The following TMEM154 variants were observed in gnomAD, a reference collection of about 807,000 sequenced individuals.
TMEM154 encodes the protein transmembrane protein 154.
TMEM154 carries 27 observed loss-of-function variants against 24.5 expected under a neutral mutation model. That is an observed-to-expected ratio of 1.10 (90% CI 0.81 to 1.52). The LOEUF (loss-of-function observed/expected upper bound fraction) is 1.52. Ranked by LOEUF, TMEM154 falls within the 40% of genes most tolerant of loss-of-function variation. The pLI is 0.00. For synonymous variants in TMEM154, 67 were observed against 76.8 expected (o/e 0.87, Z 0.67); for missense variants, 228 against 213.4 (o/e 1.07, Z -0.43).
At chr4:152,669,713 T>G (rs1425081024) in intron 1 of TMEM154, 1 of 152,212 alleles carries the variant, frequency 6.6e-6, no homozygotes, top group Non-Finnish European at 1.5e-5. Context: ...TCAGCAAACC[T>G]TGGCAACCAT....
chr4:152,639,114 C>A (rs1752204082), intron 6 of TMEM154, among the ~76,000 whole-genome samples: 1 of 152,124 alleles, frequency 6.6e-6, no homozygotes, highest in Non-Finnish European at 1.5e-5. Flanking sequence ...CAACGCCTGG[C>A]TAATTTTTGT....
intron 6 of TMEM154, among the ~76,000 whole-genome samples, chr4:152,635,167 G>T (rs964605015): frequency 6.6e-6 from 1 of 152,162 alleles, no homozygotes; most frequent in Non-Finnish European, 1.5e-5. Context: ...TGCAATTAAT[G>T]GTTAAGTGTT....
At chr4:152,629,514 T>C (rs1313341816) in intron 6 of TMEM154, among the ~76,000 whole-genome samples, 1 of 152,204 alleles carries the variant, frequency 6.6e-6, no homozygotes, top group East Asian at 1.9e-4. Flanking sequence ...TTTTTCCTGG[T>C]GGGCCCACAG....
In TMEM154 at chr4:152,621,422, C is replaced by T. The variant is rs1320277357; in HGVS notation, c.*7124G>A. The T allele has an allele frequency of 6.6e-6, 1 of 152,216 alleles. No individual in the cohort carries two copies. The highest frequency in any genetic ancestry group is 1.5e-5 in the Non-Finnish European group (1 of 68,032). The allele number at this position is 152,216 out of a possible 1,614,324, so 9.4% of individuals were successfully genotyped here. On this transcript the variant is annotated 3_prime_UTR_variant, in exon 7 of 7. Coordinates refer to ENST00000304385, the MANE Select transcript of TMEM154 (RefSeq NM_152680.3). ...CACATGATGAATGCTGGTCAAGATGCATCCTTTCCCTAACTCTGTGGGACT... is the reference window on the plus strand; with the variant it reads ...CACATGATGAATGCTGGTCAAGATGTATCCTTTCCCTAACTCTGTGGGACT...
chr4:152,645,607 C>T (rs1242396151), intron 3 of TMEM154, among the ~76,000 whole-genome samples: 1 of 152,162 alleles, frequency 6.6e-6, no homozygotes, highest in Admixed American at 6.5e-5. Flanking sequence ...TTGTAGGGGC[C>T]CACCAAATAG....
intron 3 of TMEM154, among the ~76,000 whole-genome samples, chr4:152,652,273 T>TA (rs11331839): frequency 0.011 from 1,534 of 135,042 alleles, 22 homozygotes; most frequent in African/African-American, 0.036. Context: ...TTCAATTTGT[T>TA]AAAAAAAAAA....
chr4:152,632,016 C>T (rs1752054233), intron 6 of TMEM154, among the ~76,000 whole-genome samples: 2 of 151,490 alleles, frequency 1.3e-5, no homozygotes, highest in Non-Finnish European at 2.9e-5. Context: ...ACCATGTTAG[C>T]CAGGATGGTC....
Position 152,679,975 on chromosome 4 carries a change from G to C in TMEM154, c.-42C>G. The C allele has an allele frequency of 6.4e-7, 1 of 1,558,554 alleles. No homozygotes were observed. The highest frequency in any genetic ancestry group is 8.8e-7 in the Non-Finnish European group (1 of 1,142,042). On this transcript the variant is annotated 5_prime_UTR_variant, in exon 1 of 7. Transcript: ENST00000304385. ...AGAGGCGCGCTCAGGATGCTGCGCC[G>C]GGCTGCAGCCTCTCTGAAACGTGAA...
chr4:152,645,319 A>C (rs1400205890), intron 3 of TMEM154, among the ~76,000 whole-genome samples: 1 of 152,208 alleles, frequency 6.6e-6, no homozygotes, highest in East Asian at 1.9e-4. Context: ...ATTCATGTCC[A>C]ATATTTCAGA....
In TMEM154 at chr4:152,628,195, G is replaced by A; in HGVS notation, c.*351C>T. 1 of 302,560 alleles carries A rather than the reference G, an allele frequency of 3.3e-6. No individual in the cohort carries two copies. Among genetic ancestry groups the A allele is most frequent in the Non-Finnish European group, 6.1e-6 (1 of 164,226 alleles). The allele number at this position is 302,560 out of a possible 1,614,324, so 18.7% of individuals were successfully genotyped here. A position where few individuals can be genotyped will look rare whatever the true frequency, so the allele number is the denominator to read the frequency against. The stretch of plus-strand genomic sequence containing the variant: ...TAGGCCCTAAGGAATGAAGCAGAAA[G>A]GTGACGAACATTTATCATGACCAGA... On this transcript the variant is annotated 3_prime_UTR_variant, in exon 7 of 7. Transcript: ENST00000304385.
intron 1 of TMEM154, among the ~76,000 whole-genome samples, chr4:152,665,988 C>T (rs977743982): frequency 1.3e-5 from 2 of 152,098 alleles, no homozygotes; most frequent in African/African-American, 4.8e-5. Flanking sequence ...GGGAGTCTCA[C>T]TTTGTTACCC....
chr4:152,628,796 C>T (rs1401498512), intron 6 of TMEM154, among the ~76,000 whole-genome samples: 1 of 151,026 alleles, frequency 6.6e-6, no homozygotes, highest in African/African-American at 2.4e-5. Context: ...ACCACCAAGC[C>T]TGGCTAATTT....
chr4:152,679,576 T>C (rs1326326631), intron 1 of TMEM154, among the ~76,000 whole-genome samples: 2 of 152,120 alleles, frequency 1.3e-5, no homozygotes, highest in East Asian at 3.8e-4. Flanking sequence ...TATGGTTTTC[T>C]TAATATGCCC....
Position 152,652,928 on chromosome 4 carries a change from C to T in TMEM154, c.65-1G>A, listed in dbSNP as rs1287689613. 5 of 1,590,290 alleles carry T rather than the reference C, an allele frequency of 3.1e-6. No individual in the cohort carries two copies. In the South Asian group the frequency reaches 3.5e-5, roughly 11 times the overall value. ...GAGTTTTCTAATTCCTCATAATTAC[C>T]TGTGGGAATAGATACAAAATTGAAA... On this transcript the variant is annotated splice_acceptor_variant, in intron 1 of 6. Coordinates refer to ENST00000304385, the MANE Select transcript of TMEM154 (RefSeq NM_152680.3). LOFTEE classifies it high-confidence loss of function.
intron 1 of TMEM154, among the ~76,000 whole-genome samples, chr4:152,659,505 G>T (rs1334532613): frequency 6.6e-6 from 1 of 152,202 alleles, no homozygotes; most frequent in Non-Finnish European, 1.5e-5. Flanking sequence ...AAAGTAGCTA[G>T]AAGACAGGAC....
At chr4:152,667,985 C>T (rs1258050633) in intron 1 of TMEM154, among the ~76,000 whole-genome samples, 2 of 152,186 alleles carry the variant, frequency 1.3e-5, no homozygotes, top group Non-Finnish European at 2.9e-5. Context: ...GTGGGGAGAC[C>T]CACAATGTTC....
intron 6 of TMEM154, among the ~76,000 whole-genome samples, chr4:152,637,378 T>C (rs1403350050): frequency 1.3e-5 from 2 of 152,100 alleles, no homozygotes; most frequent in South Asian, 2.1e-4. Flanking sequence ...AAACCCCATT[T>C]CTATTAAAAA....
At chr4:152,635,930 T>C (rs1206985934) in intron 6 of TMEM154, among the ~76,000 whole-genome samples, 1 of 152,202 alleles carries the variant, frequency 6.6e-6, no homozygotes, top group East Asian at 1.9e-4. Flanking sequence ...TCAAGAGATA[T>C]AAGAGGAAAG....
intron 1 of TMEM154, chr4:152,668,518 A>T (rs1362199764): frequency 6.6e-6 from 1 of 152,026 alleles, no homozygotes; most frequent in Non-Finnish European, 1.5e-5. Context: ...AGACACCGCC[A>T]CCCCATTCCA....
Sources: gnomAD v4.1 joint callset for allele counts (sites outside exome capture counted in the v4.1 genomes callset) on GRCh38, gnomAD v4.1.1 for gene constraint, MANE v1.5 for transcripts, NCBI Gene and HGNC (gene_info 2026-07-23, HGNC 2026-07-21) for gene names.